CFAP61: variants seen among roughly 807,000 people sequenced by gnomAD.
CFAP61 encodes cilia- and flagella-associated protein 61.
In CFAP61, 107 loss-of-function variants were observed where a neutral mutation model predicts 135.6. The observed-to-expected ratio is 0.79, with a 90% CI of 0.67 to 0.93. CFAP61 has a LOEUF of 0.93. Among genes scored for constraint, CFAP61 ranks in the 40% least tolerant of loss-of-function variants. The pLI is 0.00. For missense variants in CFAP61, 1,507 were observed against 1,556.2 expected (o/e 0.97, Z 0.53); for synonymous variants, 575 against 578.5 (o/e 0.99, Z 0.09).
rs76437315 is a variant in CFAP61 at position 20,341,740 on chromosome 20, T to A, written c.3423-91T>A. On this transcript the variant is annotated intron_variant, in intron 25 of 26. Coordinates refer to ENST00000245957, the MANE Select transcript of CFAP61 (RefSeq NM_015585.4). Reference sequence around the variant, plus strand: ...CAAACGATTGCAATGAGGCCAGAACTGTAATTTATAAAGGCAAAAAAGCAG... The same window carrying A: ...CAAACGATTGCAATGAGGCCAGAACAGTAATTTATAAAGGCAAAAAAGCAG... The A allele has an allele frequency of 5.4e-3, 4,725 of 867,208 alleles. 107 individuals are homozygous for A. The highest frequency in any genetic ancestry group is 0.042 in the East Asian group (1,679 of 40,364). 53.7% of individuals were successfully genotyped at this position (867,208 alleles called of 1,614,324 possible). A position where few individuals can be genotyped will look rare whatever the true frequency, so the allele number is the denominator to read the frequency against.
chr20:20,269,250 TGC>T, intron 21 of CFAP61, among the ~76,000 whole-genome samples: 1 of 148,290 alleles, frequency 6.7e-6, no homozygotes, highest in Non-Finnish European at 1.5e-5. Context: ...CACGTATATG[TGC>T]ATATATACAT....
chr20:20,191,454 G>A (rs749558801), intron 15 of CFAP61, 35 bp downstream of exon 15: 1 of 1,517,012 alleles, frequency 6.6e-7, no homozygotes, highest in Non-Finnish European at 9.1e-7. Context: ...TTCTTTGATT[G>A]TGCCTTGCTA....
rs1461057228 is a variant in CFAP61 at position 20,169,398 on chromosome 20, C to T, written c.1323C>T (p.Val441=). 1 of 1,613,980 alleles carries T rather than the reference C, an allele frequency of 6.2e-7. No homozygotes were observed. Among genetic ancestry groups the T allele is most frequent in the Non-Finnish European group, 8.5e-7 (1 of 1,179,938 alleles). ...TCATCCAGAACTTCGTGAAAATGGT[C>T]CCTTTCAACACCTGCACCCTCGAGC... The part of the protein sequence containing the change: ...FFLIQNFVKM[V]PFNTCTLEQD... Residue 441 remains valine, a synonymous_variant, in exon 13 of 27, where the codon GTC becomes GTT. Transcript: ENST00000245957.
intron 25 of CFAP61, among the ~76,000 whole-genome samples, chr20:20,313,193 CTCTA>C (rs1209268894): frequency 1.3e-5 from 2 of 152,298 alleles, no homozygotes; most frequent in East Asian, 1.9e-4. Context: ...CTGATTCTCT[CTCTA>C]TCTCTCTCTC....
rs2053649811 is a variant in CFAP61, at chr20:20,164,367, A to G, written c.1205+139A>G. Reference sequence around the variant, plus strand: ...CTCCTGGGGAATTTTTTAAAACACAAATTCCTAAGCCCCATCCAGAGATTC... The same window carrying G: ...CTCCTGGGGAATTTTTTAAAACACAGATTCCTAAGCCCCATCCAGAGATTC... On this transcript the variant is annotated intron_variant, in intron 11 of 26. Coordinates refer to ENST00000245957, the MANE Select transcript of CFAP61 (RefSeq NM_015585.4). 18 of 817,982 alleles carry G rather than the reference A, an allele frequency of 2.2e-5. No homozygotes were observed. In the South Asian group the frequency reaches 3.2e-4, roughly 14 times the overall value. The allele number at this position is 817,982 out of a possible 1,614,324, so 50.7% of individuals were successfully genotyped here.
At position 20,295,993 on chromosome 20, in the gene CFAP61, C is replaced by T. The variant is rs112503322; in HGVS notation, c.3217-2188C>T. Among the ~76,000 whole-genome samples, 37 of 98,070 alleles carry T rather than the reference C, an allele frequency of 3.8e-4. 1 individual carries two copies. The highest frequency in any genetic ancestry group is 1.4e-3 in the African/African-American group (37 of 26,156). 64.3% of individuals were successfully genotyped at this position (98,070 alleles called of 152,430 possible). On this transcript the variant is annotated intron_variant, in intron 24 of 26. Coordinates refer to ENST00000245957, the MANE Select transcript of CFAP61 (RefSeq NM_015585.4). ...CACACCAACGCCTGCATGCTTCCCT[C>T]CTTCCTTCCTTCCTTCCCTCCTTTC...
intron 21 of CFAP61, among the ~76,000 whole-genome samples, chr20:20,270,140 T>C (rs1255917489): frequency 6.6e-6 from 1 of 152,216 alleles, no homozygotes; most frequent in Non-Finnish European, 1.5e-5. Flanking sequence ...TAATTCTTGT[T>C]TCTCTGGCCT....
intron 8 of CFAP61, among the ~76,000 whole-genome samples, chr20:20,104,215 T>C (rs1389424967): frequency 3.9e-5 from 6 of 152,198 alleles, no homozygotes; most frequent in South Asian, 4.1e-4. Context: ...ATTTTTGTAA[T>C]GTCTCCACGT....
chr20:20,269,232 T>TATCTACAC (rs2053136791), intron 21 of CFAP61, among the ~76,000 whole-genome samples: 1 of 144,002 alleles, frequency 6.9e-6, no homozygotes, highest in African/African-American at 2.5e-5. Flanking sequence ...CATATATGTA[T>TATCTACAC]ATATATACAC....
At chr20:20,144,831 A>T (rs1010364156) in intron 9 of CFAP61, among the ~76,000 whole-genome samples, 4 of 152,100 alleles carry the variant, frequency 2.6e-5, no homozygotes, top group Admixed American at 1.3e-4. Context: ...ATAACAGGGG[A>T]TTTCTTATTG....
chr20:20,320,334 A>G (rs866424699), intron 25 of CFAP61, among the ~76,000 whole-genome samples: 2 of 86,778 alleles, frequency 2.3e-5, no homozygotes, highest in African/African-American at 4.0e-5. Flanking sequence ...ATATATATAT[A>G]TTATATATAT....
At chr20:20,310,709 C>G (rs2056770811) in intron 25 of CFAP61, among the ~76,000 whole-genome samples, 1 of 152,222 alleles carries the variant, frequency 6.6e-6, no homozygotes, top group African/African-American at 2.4e-5. Flanking sequence ...AACTGAGAAA[C>G]TGCCACAAAA....
intron 18 of CFAP61, among the ~76,000 whole-genome samples, chr20:20,240,793 C>T (rs948931476): frequency 7.2e-5 from 11 of 152,176 alleles, no homozygotes; most frequent in African/African-American, 2.7e-4. Context: ...CTGGCCATGT[C>T]ACTGAGTTCT....
rs2055475522 is a variant in CFAP61, at chr20:20,296,104, T to G, written c.3217-2077T>G. ...TTTCTTCCTTCTTTCCTTCCTTCCT[T>G]CCCTCCCTCCTTCCCTTCCTTCCTT... On this transcript the variant is annotated intron_variant, in intron 24 of 26. Transcript: ENST00000245957. Among the ~76,000 whole-genome samples, 6 of 17,806 alleles carry G rather than the reference T, an allele frequency of 3.4e-4. 2 individuals are homozygous for G. Among genetic ancestry groups the G allele is most frequent in the Admixed American group, 1.3e-3 (2 of 1,520 alleles). 11.7% of individuals were successfully genotyped at this position (17,806 alleles called of 152,430 possible).
chr20:20,183,138 A>AT (rs925618170), intron 13 of CFAP61, among the ~76,000 whole-genome samples: 19 of 141,150 alleles, frequency 1.3e-4, no homozygotes, highest in South Asian at 1.2e-3. Context: ...TTACCTTCTG[A>AT]TTTTTTTTTC....
chr20:20,186,625 C>A (rs1227910494), intron 13 of CFAP61, among the ~76,000 whole-genome samples: 1 of 152,116 alleles, frequency 6.6e-6, no homozygotes, highest in East Asian at 1.9e-4. Context: ...CAACCAAGTT[C>A]TTATCTTTCA....
chr20:20,294,130 C>G (rs755035319), intron 24 of CFAP61, among the ~76,000 whole-genome samples: 18 of 152,074 alleles, frequency 1.2e-4, no homozygotes, highest in Admixed American at 2.0e-4. Flanking sequence ...CCAGATATAC[C>G]CTACCAAACC....
At chr20:20,248,445 A>C (rs560915662) in intron 19 of CFAP61, among the ~76,000 whole-genome samples, 1 of 152,248 alleles carries the variant, frequency 6.6e-6, no homozygotes, top group Admixed American at 6.5e-5. Context: ...CATTGTTTTA[A>C]TTTATTATTG....
intron 13 of CFAP61, among the ~76,000 whole-genome samples, chr20:20,169,699 G>C (rs1303720226): frequency 6.6e-6 from 1 of 152,212 alleles, no homozygotes; most frequent in East Asian, 1.9e-4. Context: ...ACAATGCCAT[G>C]TTGACAGATT....
Sources: allele counts gnomAD v4.1 joint callset (sites outside exome capture counted in the v4.1 genomes callset), GRCh38; gene constraint gnomAD v4.1.1; transcripts MANE v1.5; gene names NCBI Gene and HGNC (gene_info 2026-07-23, HGNC 2026-07-21).